TACR1: variants seen among roughly 807,000 people sequenced by gnomAD.
The protein encoded by TACR1 is tachykinin receptor 1.
A neutral mutation model predicts 35.8 loss-of-function variants in TACR1; 25 were observed. That is an observed-to-expected ratio of 0.70 (90% CI 0.51 to 0.98). The LOEUF is 0.98. TACR1 is among the 50% of genes least tolerant of loss of function. The pLI, the probability that TACR1 is intolerant of heterozygous loss-of-function variation, is 0.00. For missense variants in TACR1, 478 were observed against 522.9 expected, an observed-to-expected ratio of 0.91 and a Z score of 0.84; for synonymous variants, 195 against 206.7, an observed-to-expected ratio of 0.94 and a Z score of 0.48.
chr2:75,172,822 G>A (rs1265140500), intron 1 of TACR1, among the ~76,000 whole-genome samples: 1 of 152,076 alleles, frequency 6.6e-6, no homozygotes, highest in Non-Finnish European at 1.5e-5. Context: ...TCCTTCAGAG[G>A]GTTATGCAGG....
intron 2 of TACR1, among the ~76,000 whole-genome samples, chr2:75,068,675 T>C (rs1205732523): frequency 6.6e-6 from 1 of 152,188 alleles, no homozygotes; most frequent in Non-Finnish European, 1.5e-5. Context: ...ATAGTAAAAC[T>C]TAGGTACAAA....
intron 2 of TACR1, among the ~76,000 whole-genome samples, chr2:75,082,186 TTG>T (rs1673101120): frequency 6.6e-6 from 1 of 152,160 alleles, no homozygotes; most frequent in Non-Finnish European, 1.5e-5. Context: ...TTTTTTGTCC[TTG>T]TGATAGTTTG....
chr2:75,065,844 G>A (rs1013392096), intron 2 of TACR1, among the ~76,000 whole-genome samples: 1 of 152,080 alleles, frequency 6.6e-6, no homozygotes, highest in African/African-American at 2.4e-5. Flanking sequence ...TCTCTCTCTG[G>A]AGTTTGAAAA....
At chr2:75,165,607 C>G (rs578146170) in intron 1 of TACR1, among the ~76,000 whole-genome samples, 1 of 152,272 alleles carries the variant, frequency 6.6e-6, no homozygotes, top group East Asian at 1.9e-4. Flanking sequence ...TGCGCCTGGC[C>G]CCATCTTCCA....
At chr2:75,064,359 G>A (rs1466652239) in intron 2 of TACR1, among the ~76,000 whole-genome samples, 2 of 152,196 alleles carry the variant, frequency 1.3e-5, no homozygotes, top group African/African-American at 2.4e-5. Context: ...TAAAGCTTCT[G>A]CAGGCTTTGA....
At chr2:75,079,206 C>A (rs1158017439) in intron 2 of TACR1, among the ~76,000 whole-genome samples, 1 of 152,180 alleles carries the variant, frequency 6.6e-6, no homozygotes, top group African/African-American at 2.4e-5. Context: ...TCCCATGCCT[C>A]TTCCATGTGA....
intron 1 of TACR1, among the ~76,000 whole-genome samples, chr2:75,193,146 C>T (rs1349916047): frequency 6.6e-6 from 1 of 152,142 alleles, no homozygotes; most frequent in Non-Finnish European, 1.5e-5. Context: ...TTCCCATATT[C>T]CCAAGGGAGT....
At chr2:75,106,552 C>T (rs1673648035) in intron 2 of TACR1, among the ~76,000 whole-genome samples, 1 of 151,828 alleles carries the variant, frequency 6.6e-6, no homozygotes, top group African/African-American at 2.4e-5. Context: ...TTATAAACTC[C>T]AGGTTATTAA....
chr2:75,083,537 A>T (rs1474178756), intron 2 of TACR1, among the ~76,000 whole-genome samples: 2 of 152,152 alleles, frequency 1.3e-5, no homozygotes, highest in Admixed American at 6.5e-5. Context: ...TTTTCGTGAT[A>T]TTGATTCTTC....
chr2:75,180,520 C>T (rs953330038), intron 1 of TACR1, among the ~76,000 whole-genome samples: 10 of 152,194 alleles, frequency 6.6e-5, no homozygotes, highest in African/African-American at 2.4e-4. Flanking sequence ...CAAGCATAGA[C>T]TTGAGAAGGT....
intron 1 of TACR1, among the ~76,000 whole-genome samples, chr2:75,138,167 C>G (rs1428470542): frequency 6.6e-6 from 1 of 152,200 alleles, no homozygotes; most frequent in African/African-American, 2.4e-5. Context: ...TCAGTTCTGC[C>G]TGATTCAAAT....
At chr2:75,092,514 G>T (rs1263143527) in intron 2 of TACR1, among the ~76,000 whole-genome samples, 1 of 152,112 alleles carries the variant, frequency 6.6e-6, no homozygotes, top group Non-Finnish European at 1.5e-5. Flanking sequence ...TCAGAGAGAT[G>T]CTAGAAAATG....
rs375010421 is a variant in TACR1 at position 75,121,351 on chromosome 2, G to T, written c.390-583C>A. ...TTTGAGCATCTAGGAGTCAGTGTAT[G>T]GCTAACTATACATACTTCGTGAAGA... On this transcript the variant is annotated intron_variant, in intron 1 of 4. Transcript: ENST00000305249. 2.0e-5 allele frequency among the ~76,000 whole-genome samples: 3 copies of T among 152,198 alleles called. No individual in the cohort carries two copies. The East Asian group carries it at 5.8e-4, about 29-fold the overall frequency.
Position 75,049,314 on chromosome 2 carries a change from C to T in TACR1, c.*118G>A, listed in dbSNP as rs1672421291. Reference sequence around the variant, plus strand: ...ATGTTTTCCCTAACCCATACTGACCCTTTTTGCAAGTCCCAGTGTGAGGGT... The same window carrying T: ...ATGTTTTCCCTAACCCATACTGACCTTTTTTGCAAGTCCCAGTGTGAGGGT... On this transcript the variant is annotated 3_prime_UTR_variant, in exon 5 of 5. Transcript: ENST00000305249. 2 of 1,198,734 alleles carry T rather than the reference C, an allele frequency of 1.7e-6. No homozygotes were observed. Among genetic ancestry groups the T allele is most frequent in the Middle Eastern group, 2.7e-4 (1 of 3,674 alleles). The allele number at this position is 1,198,734 out of a possible 1,614,324, so 74.3% of individuals were successfully genotyped here. A position where few individuals can be genotyped will look rare whatever the true frequency, so the allele number is the denominator to read the frequency against.
chr2:75,064,743 C>T (rs1444585247), intron 2 of TACR1, among the ~76,000 whole-genome samples: 1 of 152,292 alleles, frequency 6.6e-6, no homozygotes, highest in African/African-American at 2.4e-5. Flanking sequence ...TGTAATTCCC[C>T]GATTCAGCTC....
intron 2 of TACR1, among the ~76,000 whole-genome samples, chr2:75,057,800 C>T (rs1194119162): frequency 1.3e-5 from 2 of 152,052 alleles, no homozygotes; most frequent in African/African-American, 2.4e-5. Flanking sequence ...AATGAAGTAT[C>T]TCTGGAAATG....
chr2:75,097,663 T>TGCTCAGG (rs1307552768), intron 2 of TACR1, among the ~76,000 whole-genome samples: 1 of 152,218 alleles, frequency 6.6e-6, no homozygotes, highest in East Asian at 1.9e-4. Flanking sequence ...ATCTGACCAC[T>TGCTCAGG]GTCCATGCCC....
chr2:75,148,182 G>A (rs1203504728), intron 1 of TACR1, among the ~76,000 whole-genome samples: 2 of 152,092 alleles, frequency 1.3e-5, no homozygotes, highest in South Asian at 2.1e-4. Context: ...ATAAACATAC[G>A]TATGCATGTA....
chr2:75,077,001 G>A (rs539640154), intron 2 of TACR1, among the ~76,000 whole-genome samples: 3 of 152,038 alleles, frequency 2.0e-5, no homozygotes, highest in East Asian at 1.9e-4. Flanking sequence ...ACAGAGTTTC[G>A]CTCTTGTTGC....
Sources: gnomAD v4.1 joint callset for allele counts (sites outside exome capture counted in the v4.1 genomes callset) on GRCh38, gnomAD v4.1.1 for gene constraint, MANE v1.5 for transcripts, NCBI Gene and HGNC (gene_info 2026-07-23, HGNC 2026-07-21) for gene names.